Variants in CDH13 observed in about 807,000 individuals in gnomAD.
CDH13 encodes the protein cadherin-13.
CDH13 carries 24 observed loss-of-function variants against 63.8 expected under a neutral mutation model. The observed-to-expected ratio is 0.38, with a 90% CI of 0.27 to 0.53. The LOEUF is 0.53. Ranked by LOEUF, CDH13 falls within the 20% of genes least tolerant of loss-of-function variation. The pLI is 0.85. For synonymous variants in CDH13, 503 were observed against 355.3 expected (o/e 1.42, Z -4.67); for missense variants, 1,049 against 903.1 (o/e 1.16, Z -2.07).
At chr16:82,698,614 A>G (rs2030621040) in intron 1 of CDH13, among the ~76,000 whole-genome samples, 1 of 152,164 alleles carries the variant, frequency 6.6e-6, no homozygotes, top group South Asian at 2.1e-4. Context: ...ATGAGAGACA[A>G]GCTCAATTCT....
At chr16:82,836,987 A>G (rs889257163) in intron 1 of CDH13, among the ~76,000 whole-genome samples, 4 of 152,216 alleles carry the variant, frequency 2.6e-5, no homozygotes, top group Non-Finnish European at 5.9e-5. Context: ...ATTCACTATC[A>G]AGATTAAGAG....
chr16:82,748,955 A>G (rs992171938), intron 1 of CDH13, among the ~76,000 whole-genome samples: 1 of 152,220 alleles, frequency 6.6e-6, no homozygotes, highest in African/African-American at 2.4e-5. Context: ...CGATTGATCT[A>G]GACACATTTA....
intron 4 of CDH13, among the ~76,000 whole-genome samples, chr16:83,146,851 G>A (rs1446369495): frequency 6.6e-6 from 1 of 152,340 alleles, no homozygotes; most frequent in East Asian, 1.9e-4. Context: ...AGTTTGGAAG[G>A]CCAAGGCAGA....
intron 6 of CDH13, among the ~76,000 whole-genome samples, chr16:83,407,726 C>A (rs963733332): frequency 6.6e-6 from 1 of 152,024 alleles, no homozygotes; most frequent in Non-Finnish European, 1.5e-5. Flanking sequence ...GGAAACCTTC[C>A]CTCCTCATTT....
At chr16:83,381,132 C>G (rs1333643116) in intron 6 of CDH13, among the ~76,000 whole-genome samples, 2 of 152,094 alleles carry the variant, frequency 1.3e-5, no homozygotes, top group Non-Finnish European at 2.9e-5. Context: ...TTCATTGTGT[C>G]CTCAATAGAT....
At chr16:82,922,225 T>C (rs533834132) in intron 2 of CDH13, among the ~76,000 whole-genome samples, 4 of 152,314 alleles carry the variant, frequency 2.6e-5, no homozygotes. Context: ...TTTGGTCTTA[T>C]TGATTTTCTC....
intron 1 of CDH13, chr16:82,637,597 A>ATTT (rs34337263): frequency 6.9e-5 from 10 of 144,506 alleles, no homozygotes; most frequent in Admixed American, 1.4e-4. Context: ...CGCCCGGCTA[A>ATTT]TTTTTTTTTT....
At chr16:83,052,684 G>C in intron 3 of CDH13, among the ~76,000 whole-genome samples, 1 of 147,700 alleles carries the variant, frequency 6.8e-6, no homozygotes, top group South Asian at 2.1e-4. Flanking sequence ...GGAGGCTGAG[G>C]CAGAATTGCT....
At chr16:82,742,096 C>A (rs907787059) in intron 1 of CDH13, among the ~76,000 whole-genome samples, 5 of 151,550 alleles carry the variant, frequency 3.3e-5, no homozygotes, top group African/African-American at 9.7e-5. Flanking sequence ...AAAACGTCTG[C>A]CATTATTAGA....
intron 6 of CDH13, among the ~76,000 whole-genome samples, chr16:83,413,517 G>T (rs1354065920): frequency 6.6e-6 from 1 of 152,208 alleles, no homozygotes; most frequent in East Asian, 1.9e-4. Flanking sequence ...ATGCAATGCG[G>T]TAATGTTCCC....
intron 1 of CDH13, among the ~76,000 whole-genome samples, chr16:82,811,911 C>T (rs909618812): frequency 3.9e-5 from 6 of 152,088 alleles, no homozygotes; most frequent in African/African-American, 1.4e-4. Flanking sequence ...TGGTTAGGGC[C>T]TGTTGAGTTT....
chr16:82,792,564 G>T (rs1323733670), intron 1 of CDH13, among the ~76,000 whole-genome samples: 1 of 152,020 alleles, frequency 6.6e-6, no homozygotes, highest in African/African-American at 2.4e-5. Context: ...TGCCCCTCTA[G>T]ACTATAAGGC....
intron 3 of CDH13, among the ~76,000 whole-genome samples, chr16:83,080,871 GTTTTTTTTTTTTTTTT>G (rs71148809): frequency 2.1e-5 from 1 of 46,928 alleles, no homozygotes. Flanking sequence ...TTGTTTTTGT[GTTTTTTTTTTTTTTTT>G]TTTTTTTTTT....
chr16:83,032,334 T>G, intron 3 of CDH13, 116 bp downstream of exon 3: 1 of 777,146 alleles, frequency 1.3e-6, no homozygotes, highest in East Asian at 2.7e-5. Flanking sequence ...TTGTTATTGT[T>G]GTTGCAAATG....
intron 8 of CDH13, among the ~76,000 whole-genome samples, chr16:83,625,248 T>C (rs913093480): frequency 2.6e-5 from 4 of 152,104 alleles, no homozygotes; most frequent in African/African-American, 9.7e-5. Flanking sequence ...GTGTGTAATT[T>C]AAGCCAAAAT....
intron 3 of CDH13, among the ~76,000 whole-genome samples, chr16:83,107,218 G>C (rs2034812413): frequency 6.6e-6 from 1 of 152,166 alleles, no homozygotes; most frequent in Non-Finnish European, 1.5e-5. Flanking sequence ...TGGCCAGGCA[G>C]GTAGCTAAGA....
intron 11 of CDH13, among the ~76,000 whole-genome samples, chr16:83,760,605 G>T (rs577142771): frequency 6.6e-6 from 1 of 152,302 alleles, no homozygotes; most frequent in South Asian, 2.1e-4. Context: ...CATGCTAAAT[G>T]ACTGCATTTA....
At chr16:83,647,665 C>G (rs759238010) in intron 8 of CDH13, among the ~76,000 whole-genome samples, 1 of 152,142 alleles carries the variant, frequency 6.6e-6, no homozygotes, top group East Asian at 1.9e-4. Context: ...TTTCCATATT[C>G]GGGGATTATC....
intron 3 of CDH13, among the ~76,000 whole-genome samples, chr16:83,057,297 A>G (rs2031049235): frequency 3.9e-5 from 6 of 152,148 alleles, no homozygotes; most frequent in Admixed American, 3.3e-4. Flanking sequence ...ACCTGAGAAC[A>G]GACTAATACT....
Sources: allele counts gnomAD v4.1 joint callset (sites outside exome capture counted in the v4.1 genomes callset), GRCh38; gene constraint gnomAD v4.1.1; transcripts MANE v1.5; gene names NCBI Gene and HGNC (gene_info 2026-07-23, HGNC 2026-07-21).